SPSB1: variants seen among roughly 807,000 people sequenced by gnomAD.
SPSB1 encodes SPRY domain-containing SOCS box protein 1.
A neutral mutation model predicts 21.2 loss-of-function variants in SPSB1; 8 were observed. The ratio of observed to expected loss-of-function variants is 0.38; its 90% confidence interval spans 0.22 to 0.68. The LOEUF is 0.68. Ranked by LOEUF, SPSB1 falls within the 30% of genes least tolerant of loss-of-function variation. SPSB1 has a pLI of 0.53. For synonymous variants in SPSB1, 169 were observed against 161.7 expected (o/e 1.05, Z -0.34); for missense variants, 242 against 377.8 (o/e 0.64, Z 2.98).
At chr1:9,339,689 G>A (rs1266888031) in intron 1 of SPSB1, among the ~76,000 whole-genome samples, 1 of 152,290 alleles carries the variant, frequency 6.6e-6, no homozygotes, top group East Asian at 1.9e-4. Context: ...CTGTGAGGAG[G>A]GGAGGGGCCT....
At position 9,309,127 on chromosome 1, in the gene SPSB1, G is replaced by A. The variant is rs538290142; in HGVS notation, c.-150+16056G>A. On this transcript the variant is annotated intron_variant, in intron 1 of 2. Transcript: ENST00000328089. ...GCTGCAGAGCTGTGTAGCAGGGAGGGCATCAAATGCCAGGCCCAGGGGTCG... is the reference window on the plus strand; with the variant it reads ...GCTGCAGAGCTGTGTAGCAGGGAGGACATCAAATGCCAGGCCCAGGGGTCG... Among the ~76,000 whole-genome samples the A allele has an allele frequency of 1.6e-4, 24 of 152,056 alleles. 1 individual carries two copies. The South Asian group carries it at 5.0e-3, about 32-fold the overall frequency.
chr1:9,308,456 TG>T (rs1450023949), intron 1 of SPSB1, among the ~76,000 whole-genome samples: 1 of 152,192 alleles, frequency 6.6e-6, no homozygotes, highest in Non-Finnish European at 1.5e-5. Context: ...AAACCTAAGC[TG>T]TCATCAACTG....
intron 1 of SPSB1, among the ~76,000 whole-genome samples, chr1:9,301,980 T>C (rs1639337883): frequency 6.6e-6 from 1 of 152,236 alleles, no homozygotes; most frequent in Non-Finnish European, 1.5e-5. Context: ...ATCCATTGAT[T>C]GACAGAACAC....
At chr1:9,312,230 C>T (rs1639532665) in intron 1 of SPSB1, among the ~76,000 whole-genome samples, 1 of 152,006 alleles carries the variant, frequency 6.6e-6, no homozygotes, top group Non-Finnish European at 1.5e-5. Context: ...TGCTATGTTG[C>T]TCAGGTTGGT....
chr1:9,337,391 G>A (rs1010034592), intron 1 of SPSB1, among the ~76,000 whole-genome samples: 2 of 152,050 alleles, frequency 1.3e-5, no homozygotes, highest in African/African-American at 4.8e-5. Flanking sequence ...GGCCAGGGCA[G>A]GCACCTCACA....
intron 1 of SPSB1, among the ~76,000 whole-genome samples, chr1:9,295,456 C>G (rs1168369229): frequency 1.3e-5 from 2 of 152,178 alleles, no homozygotes; most frequent in Non-Finnish European, 2.9e-5. Flanking sequence ...TTTCAGGGCT[C>G]TTAGGAAGGG....
chr1:9,327,766 C>A (rs765089175), intron 1 of SPSB1, among the ~76,000 whole-genome samples: 2 of 152,274 alleles, frequency 1.3e-5, no homozygotes, highest in East Asian at 3.9e-4. Context: ...TGGTGTCTGC[C>A]GCAACTACTC....
Position 9,356,387 on chromosome 1 carries a change from GA to G in SPSB1, c.498del (p.Glu166AspfsTer14). The G allele has an allele frequency of 6.2e-7, 1 of 1,614,176 alleles. No homozygotes were observed. Among genetic ancestry groups the G allele is most frequent in the Non-Finnish European group, 8.5e-7 (1 of 1,180,048 alleles). On this transcript the variant is annotated frameshift_variant, in exon 2 of 3. Transcript: ENST00000328089. LOFTEE classifies it high-confidence loss of function. This position sits in a 1 kb window ranked among gnomAD's most constrained non-coding sequence, Gnocchi z 7.4. Reference sequence around the variant, plus strand: ...AAGCAAAACATACCCAGCCTTTCTGGAACCAGATGAGACATTCATTGTCCCT... The same window carrying G: ...AAGCAAAACATACCCAGCCTTTCTGGACCAGATGAGACATTCATTGTCCCT... ...QPSKTYPAFL[E>X]PDETFIVPDS...
Position 9,305,821 on chromosome 1 carries a change from T to C in SPSB1, c.-150+12750T>C, listed in dbSNP as rs1452739835. On this transcript the variant is annotated intron_variant, in intron 1 of 2. Coordinates refer to ENST00000328089, the MANE Select transcript of SPSB1 (RefSeq NM_025106.4). The surrounding 1 kb of genome is among the most constrained non-coding windows in gnomAD (Gnocchi z 4.8). ...ACAAAGAATGAGGAAGCTTTCTCTG[T>C]CTAGTGGGTGAGACAGGCCCGTCTC... 1.3e-5 allele frequency among the ~76,000 whole-genome samples: 2 copies of C among 152,086 alleles called. No homozygotes were observed. The highest frequency in any genetic ancestry group is 4.8e-5 in the African/African-American group (2 of 41,404).
At chr1:9,299,148 T>G (rs1639273610) in intron 1 of SPSB1, among the ~76,000 whole-genome samples, 1 of 152,272 alleles carries the variant, frequency 6.6e-6, no homozygotes, top group Admixed American at 6.5e-5. Context: ...CTCTGGTCCC[T>G]GCTACTGCAT....
At chr1:9,306,522 G>T (rs1220705771) in intron 1 of SPSB1, among the ~76,000 whole-genome samples, 1 of 152,144 alleles carries the variant, frequency 6.6e-6, no homozygotes, top group Non-Finnish European at 1.5e-5. Flanking sequence ...AAGTCATTCA[G>T]TCGTCATAAT....
At chr1:9,326,923 AC>A (rs1639824946) in intron 1 of SPSB1, among the ~76,000 whole-genome samples, 1 of 151,762 alleles carries the variant, frequency 6.6e-6, no homozygotes, top group Non-Finnish European at 1.5e-5. Context: ...GGAGGCGGGG[AC>A]CCTAACCCCT....
intron 1 of SPSB1, among the ~76,000 whole-genome samples, chr1:9,301,735 C>CA (rs1481367656): frequency 6.6e-6 from 1 of 152,178 alleles, no homozygotes; most frequent in Non-Finnish European, 1.5e-5. Flanking sequence ...CATGGACTGC[C>CA]ACTCACCAAA....
chr1:9,338,486 C>T (rs1391831497), intron 1 of SPSB1, among the ~76,000 whole-genome samples: 1 of 152,238 alleles, frequency 6.6e-6, no homozygotes, highest in Admixed American at 6.5e-5. Flanking sequence ...CTGGGGAGGA[C>T]AGGGGGCACA....
intron 1 of SPSB1, among the ~76,000 whole-genome samples, chr1:9,353,175 C>T (rs940326926): frequency 2.6e-5 from 4 of 151,660 alleles, no homozygotes; most frequent in African/African-American, 4.8e-5. Context: ...GCTCTGACCT[C>T]GAGAGCCGCC....
chr1:9,336,767 C>T (rs1471970490), intron 1 of SPSB1, among the ~76,000 whole-genome samples: 1 of 152,244 alleles, frequency 6.6e-6, no homozygotes. Flanking sequence ...CTGCCCTTTG[C>T]TGCCTTTTCA....
In SPSB1 at chr1:9,324,356, A is replaced by G. The variant is rs1419834262; in HGVS notation, c.-150+31285A>G. 1.3e-5 allele frequency among the ~76,000 whole-genome samples: 2 copies of G among 151,988 alleles called. No individual in the cohort carries two copies. Among genetic ancestry groups the G allele is most frequent in the African/African-American group, 4.8e-5 (2 of 41,364 alleles). On this transcript the variant is annotated intron_variant, in intron 1 of 2. Coordinates refer to ENST00000328089, the MANE Select transcript of SPSB1 (RefSeq NM_025106.4). This position sits in a 1 kb window ranked among gnomAD's most constrained non-coding sequence, Gnocchi z 4.3. ...TGCCATCTGCGGCTCTGCTCTGGTG[A>G]GTTCTGCTGCGATCCTGTGGCTCAG...
At position 9,346,722 on chromosome 1, in the gene SPSB1, G is replaced by A. The variant is rs975873071; in HGVS notation, c.-149-9021G>A. Among the ~76,000 whole-genome samples, 2 of 152,166 alleles carry A rather than the reference G, an allele frequency of 1.3e-5. No individual in the cohort carries two copies. The highest frequency in any genetic ancestry group is 2.9e-5 in the Non-Finnish European group (2 of 68,040). On this transcript the variant is annotated intron_variant, in intron 1 of 2. Coordinates refer to ENST00000328089, the MANE Select transcript of SPSB1 (RefSeq NM_025106.4). This position sits in a 1 kb window ranked among gnomAD's most constrained non-coding sequence, Gnocchi z 4.4. ...TCCTCACCTCCTCCTCTTCCCTGGC[G>A]TTGGTCTATCAGGGGTGGAACAGCC...
rs912272267 is a variant in SPSB1, at chr1:9,356,047, G to T, written c.156G>T (p.Leu52=). Reference sequence around the variant, plus strand: ...CCCCTGTGTCCTATGATGTCCAGCTGCTGCATTCATGGAACAACAACGACC... The same window carrying T: ...CCCCTGTGTCCTATGATGTCCAGCTTCTGCATTCATGGAACAACAACGACC... ...DMPPVSYDVQ[L]LHSWNNNDRS... The change falls in exon 2 of 3, where the codon CTG becomes CTT. Residue 52 remains leucine (L), a synonymous_variant. Coordinates refer to ENST00000328089, the MANE Select transcript of SPSB1 (RefSeq NM_025106.4). The surrounding 1 kb of genome is among the most constrained non-coding windows in gnomAD (Gnocchi z 7.4). 2 of 1,614,086 alleles carry T rather than the reference G, an allele frequency of 1.2e-6. No individual in the cohort carries two copies. Among genetic ancestry groups the T allele is most frequent in the Middle Eastern group, 3.3e-4 (2 of 6,062 alleles).
Sources: allele counts gnomAD v4.1 joint callset (sites outside exome capture counted in the v4.1 genomes callset), GRCh38; gene constraint gnomAD v4.1.1; non-coding constraint Gnocchi (gnomAD v3.1); transcripts MANE v1.5; gene names NCBI Gene and HGNC (gene_info 2026-07-23, HGNC 2026-07-21).